WDR70: variants seen among roughly 807,000 people sequenced by gnomAD.
WDR70 encodes the protein WD repeat domain 70.
WDR70 carries 53 observed loss-of-function variants against 88.6 expected under a neutral mutation model. That is an observed-to-expected ratio of 0.60 (90% CI 0.48 to 0.75). WDR70 has a LOEUF of 0.75. Among genes scored for constraint, WDR70 ranks in the 30% least tolerant of loss-of-function variants. The pLI, the probability that WDR70 is intolerant of heterozygous loss-of-function variation, is 0.00. For synonymous variants in WDR70, 280 were observed against 270.0 expected (o/e 1.04, Z -0.36); for missense variants, 610 against 823.2 (o/e 0.74, Z 3.17).
chr5:37,461,436 G>A (rs1739000149), intron 7 of WDR70, among the ~76,000 whole-genome samples: 1 of 152,058 alleles, frequency 6.6e-6, no homozygotes, highest in Non-Finnish European at 1.5e-5. Context: ...TTGTGTGTGT[G>A]TTGGGGAGTC....
intron 13 of WDR70, among the ~76,000 whole-genome samples, chr5:37,705,538 G>A (rs903331636): frequency 2.6e-5 from 4 of 151,928 alleles, no homozygotes; most frequent in African/African-American, 9.7e-5. Context: ...ACATCAAACA[G>A]CATCATTTTT....
At chr5:37,588,543 C>T (rs1428155192) in intron 9 of WDR70, among the ~76,000 whole-genome samples, 1 of 151,474 alleles carries the variant, frequency 6.6e-6, no homozygotes, top group African/African-American at 2.4e-5. Flanking sequence ...TTTCTTTTTT[C>T]CCCCACTCTC....
intron 3 of WDR70, among the ~76,000 whole-genome samples, chr5:37,390,403 G>A (rs901577442): frequency 5.3e-4 from 79 of 149,066 alleles, no homozygotes; most frequent in Non-Finnish European, 4.9e-4. Context: ...GCAGTGGCAC[G>A]ATCTTGGCTC....
At chr5:37,471,273 A>G (rs1213105057) in intron 7 of WDR70, among the ~76,000 whole-genome samples, 4 of 150,664 alleles carry the variant, frequency 2.7e-5, no homozygotes, top group African/African-American at 1.0e-4. Context: ...ATCTTTGCCA[A>G]CACTTTGTGT....
chr5:37,380,651 CTTTT>C (rs551617102), intron 2 of WDR70, among the ~76,000 whole-genome samples: 5 of 151,578 alleles, frequency 3.3e-5, no homozygotes, highest in African/African-American at 9.7e-5. Context: ...CTTTTCTATT[CTTTT>C]TTTATTTTTT....
intron 9 of WDR70, among the ~76,000 whole-genome samples, chr5:37,595,822 C>T (rs1743685680): frequency 6.6e-6 from 1 of 152,058 alleles, no homozygotes; most frequent in Admixed American, 6.6e-5. Context: ...ATAGAAGGAA[C>T]ATAAATACTA....
intron 9 of WDR70, among the ~76,000 whole-genome samples, chr5:37,556,276 G>C (rs1204145568): frequency 1.3e-5 from 2 of 151,748 alleles, no homozygotes; most frequent in Admixed American, 1.3e-4. Context: ...TGTATGATTT[G>C]ACCAATTCCG....
intron 5 of WDR70, among the ~76,000 whole-genome samples, chr5:37,421,653 A>C (rs1749950536): frequency 6.6e-6 from 1 of 152,028 alleles, no homozygotes. Context: ...AGTGTGTATT[A>C]ATCTTTATTC....
intron 9 of WDR70, among the ~76,000 whole-genome samples, chr5:37,566,703 A>C (rs1742751555): frequency 6.6e-6 from 1 of 152,198 alleles, no homozygotes; most frequent in Admixed American, 6.5e-5. Flanking sequence ...TGATTGTTTG[A>C]ATGACTAGTG....
At chr5:37,498,846 A>G (rs1740308438) in intron 8 of WDR70, among the ~76,000 whole-genome samples, 3 of 152,236 alleles carry the variant, frequency 2.0e-5, no homozygotes, top group Admixed American at 6.5e-5. Context: ...TCAAATCAGT[A>G]ATACCTAGGG....
chr5:37,523,501 A>C (rs562929124), intron 9 of WDR70, among the ~76,000 whole-genome samples: 5 of 152,332 alleles, frequency 3.3e-5, no homozygotes, highest in African/African-American at 1.2e-4. Flanking sequence ...ATCAAAGACC[A>C]AAGGTAGATA....
At chr5:37,630,739 A>G (rs1744790458) in intron 10 of WDR70, among the ~76,000 whole-genome samples, 2 of 152,196 alleles carry the variant, frequency 1.3e-5, no homozygotes, top group Non-Finnish European at 2.9e-5. Context: ...GGCATAATCA[A>G]TATGAAACCC....
chr5:37,393,469 T>C (rs1248038471), intron 4 of WDR70, among the ~76,000 whole-genome samples: 1 of 152,214 alleles, frequency 6.6e-6, no homozygotes, highest in East Asian at 1.9e-4. Flanking sequence ...TTATTTGATG[T>C]ATTTCTACTT....
chr5:37,644,663 G>T (rs953128523), intron 10 of WDR70, among the ~76,000 whole-genome samples: 1 of 151,852 alleles, frequency 6.6e-6, no homozygotes, highest in Non-Finnish European at 1.5e-5. Flanking sequence ...ATTTGTTATT[G>T]TTCTGTTCAG....
chr5:37,562,450 T>G (rs1365401684), intron 9 of WDR70, among the ~76,000 whole-genome samples: 1 of 151,308 alleles, frequency 6.6e-6, no homozygotes, highest in South Asian at 2.1e-4. Flanking sequence ...AATTCTCTTT[T>G]TTTTTTTTTT....
intron 9 of WDR70, among the ~76,000 whole-genome samples, chr5:37,564,563 G>A (rs1432305235): frequency 6.2e-5 from 4 of 64,398 alleles, no homozygotes; most frequent in African/African-American, 1.4e-4. Context: ...ACCGTGGGGA[G>A]AGGGAGAGGG....
At chr5:37,555,711 TTTTTG>T (rs139350238) in intron 9 of WDR70, among the ~76,000 whole-genome samples, 15 of 151,540 alleles carry the variant, frequency 9.9e-5, no homozygotes, top group African/African-American at 3.4e-4. Context: ...TGTTCAGTTT[TTTTTG>T]TTTTGTTTTG....
intron 5 of WDR70, among the ~76,000 whole-genome samples, chr5:37,398,848 T>C (rs1209055488): frequency 1.3e-5 from 2 of 152,180 alleles, no homozygotes; most frequent in Admixed American, 1.3e-4. Context: ...TCTCTGTAGG[T>C]TGAAATATTT....
At chr5:37,622,727 A>T (rs938463627) in intron 10 of WDR70, among the ~76,000 whole-genome samples, 2 of 149,170 alleles carry the variant, frequency 1.3e-5, no homozygotes, top group African/African-American at 4.9e-5. Context: ...AACATCACAC[A>T]CTGGGGCCTG....
Sources: gnomAD v4.1 joint callset for allele counts (sites outside exome capture counted in the v4.1 genomes callset) on GRCh38, gnomAD v4.1.1 for gene constraint, MANE v1.5 for transcripts, NCBI Gene and HGNC (gene_info 2026-07-23, HGNC 2026-07-21) for gene names.